NOTCH2NLC: variants seen among roughly 807,000 people sequenced by gnomAD.
NOTCH2NLC encodes notch homolog 2 N-terminal-like protein C.
Under a neutral mutation model 17.7 loss-of-function variants are expected in NOTCH2NLC, and 4 were observed. The ratio of observed to expected loss-of-function variants is 0.23; its 90% CI spans 0.11 to 0.52. The LOEUF is 0.52. Ranked by LOEUF, NOTCH2NLC falls within the 20% of genes least tolerant of loss-of-function variation. NOTCH2NLC has a pLI of 0.96. For missense variants in NOTCH2NLC, 57 were observed against 207.2 expected, an observed-to-expected ratio of 0.28 and a Z score of 4.45; for synonymous variants, 18 against 86.0, an observed-to-expected ratio of 0.21 and a Z score of 4.38.
At chr1:149,432,200 A>T (rs2084455290) in intron 2 of NOTCH2NLC, among the ~76,000 whole-genome samples, 1 of 144,732 alleles carries the variant, frequency 6.9e-6, no homozygotes, top group Non-Finnish European at 1.5e-5. Context: ...AGTTTATCCA[A>T]CACATTTTTA....
intron 3 of NOTCH2NLC, among the ~76,000 whole-genome samples, chr1:149,460,399 C>T (rs1364939173): frequency 2.2e-4 from 29 of 130,116 alleles, no homozygotes; most frequent in Non-Finnish European, 2.9e-4. Flanking sequence ...GAGTGCAGGG[C>T]GCAATCTCGG....
chr1:149,460,998 A>G (rs2101512427), intron 3 of NOTCH2NLC, among the ~76,000 whole-genome samples: 1 of 143,048 alleles, frequency 7.0e-6, no homozygotes, highest in African/African-American at 2.6e-5. Context: ...ACAGTGGCGC[A>G]GTCTCGGCTC....
chr1:149,429,625 A>G (rs2084432627), intron 1 of NOTCH2NLC, among the ~76,000 whole-genome samples: 1 of 151,348 alleles, frequency 6.6e-6, no homozygotes, highest in Admixed American at 6.6e-5. Flanking sequence ...CAAGGATGGG[A>G]TGCATTTTCT....
intron 3 of NOTCH2NLC, among the ~76,000 whole-genome samples, chr1:149,461,996 G>T (rs1453047714): frequency 7.6e-6 from 1 of 132,432 alleles, no homozygotes; most frequent in South Asian, 2.7e-4. Flanking sequence ...GTGGTGGGAC[G>T]GGGGAGGGAT....
At chr1:149,432,225 T>C (rs1166416967) in intron 2 of NOTCH2NLC, among the ~76,000 whole-genome samples, 1 of 147,720 alleles carries the variant, frequency 6.8e-6, no homozygotes, top group African/African-American at 2.5e-5. Context: ...TTACCAGGAA[T>C]GTAATTACAA....
chr1:149,446,393 G>A (rs2084553332), intron 2 of NOTCH2NLC, among the ~76,000 whole-genome samples: 1 of 118,714 alleles, frequency 8.4e-6, no homozygotes, highest in Non-Finnish European at 1.8e-5. Flanking sequence ...GGAATCCCTT[G>A]TTTTTCTCTG....
At chr1:149,417,281 T>G (rs1318501256) in intron 1 of NOTCH2NLC, among the ~76,000 whole-genome samples, 1 of 150,400 alleles carries the variant, frequency 6.6e-6, no homozygotes, top group Non-Finnish European at 1.5e-5. Context: ...GCTAATTTTT[T>G]GTATTTTCAG....
At chr1:149,460,463 T>G (rs2084636585) in intron 3 of NOTCH2NLC, among the ~76,000 whole-genome samples, 1 of 146,730 alleles carries the variant, frequency 6.8e-6, no homozygotes, top group East Asian at 2.1e-4. Flanking sequence ...CTCAGCCTCC[T>G]GAGTAGCTGG....
rs1311271432 is a variant in NOTCH2NLC, at chr1:149,464,863, A to G, written c.*710A>G. On this transcript the variant is annotated 3_prime_UTR_variant, in exon 5 of 5. Transcript: ENST00000650865. ...TACTCTTTCAGAGTGGGAATCTTAG[A>G]TTCTGGTATTGTGGATATGGTTCAC... 1 of 150,486 alleles carries G rather than the reference A, an allele frequency of 6.6e-6. No homozygotes were observed. Among genetic ancestry groups the G allele is most frequent in the African/African-American group, 2.4e-5 (1 of 40,982 alleles). The allele number at this position is 150,486 out of a possible 1,614,324, so 9.3% of individuals were successfully genotyped here. A position where few individuals can be genotyped will look rare whatever the true frequency, so the allele number is the denominator to read the frequency against.
intron 1 of NOTCH2NLC, among the ~76,000 whole-genome samples, chr1:149,400,139 A>ATATATATATATTTT (rs1570899101): frequency 1.5e-5 from 2 of 131,978 alleles, no homozygotes; most frequent in African/African-American, 5.7e-5. Context: ...TATAATATAT[A>ATATATATATATTTT]TTTTTTTTTT....
chr1:149,460,810 G>A (rs1243593668), intron 3 of NOTCH2NLC, among the ~76,000 whole-genome samples: 4,420 of 137,018 alleles, frequency 0.032, 149 homozygotes, highest in Middle Eastern at 0.042. Flanking sequence ...TATACATAAT[G>A]TATATGGAAA....
At chr1:149,419,855 A>ATTTTTTTT (rs1166865199) in intron 1 of NOTCH2NLC, among the ~76,000 whole-genome samples, 4 of 78,204 alleles carry the variant, frequency 5.1e-5, no homozygotes, top group Non-Finnish European at 6.9e-5. Flanking sequence ...ATATATATAT[A>ATTTTTTTT]TTTTTTTTTT....
chr1:149,398,122 G>T (rs1315171815), intron 1 of NOTCH2NLC, among the ~76,000 whole-genome samples: 1 of 151,090 alleles, frequency 6.6e-6, no homozygotes, highest in Non-Finnish European at 1.5e-5. Context: ...GTAAACTTCA[G>T]GTCTTAATAC....
chr1:149,471,568 C>G lies in NOTCH2NLC; in HGVS notation c.*7415C>G, dbSNP rs2084719775. Among the ~76,000 whole-genome samples the G allele has an allele frequency of 6.7e-6, 1 of 150,114 alleles. No individual in the cohort carries two copies. The highest frequency in any genetic ancestry group is 2.4e-5 in the African/African-American group (1 of 40,854). ...CATTTGTTGAATTAAGTGCCCAGAA[C>G]AAGTACATCTATATATAGAGAAAGT... is the stretch of plus-strand genomic sequence containing the variant. On this transcript the variant is annotated 3_prime_UTR_variant, in exon 5 of 5. Coordinates refer to ENST00000650865, the MANE Select transcript of NOTCH2NLC (RefSeq NM_001364013.2).
chr1:149,460,895 CTTTCTTTCTTTCTTTCTT>C (rs1570922227), intron 3 of NOTCH2NLC, among the ~76,000 whole-genome samples: 1 of 115,560 alleles, frequency 8.7e-6, no homozygotes, highest in Non-Finnish European at 1.9e-5. Context: ...TTCTTTCTTT[CTTTCTTTCTTTCTTTCTT>C]TCTCTCTCTT....
At chr1:149,398,665 C>T (rs1326008392) in intron 1 of NOTCH2NLC, among the ~76,000 whole-genome samples, 17 of 151,314 alleles carry the variant, frequency 1.1e-4, no homozygotes, top group Non-Finnish European at 2.2e-4. Context: ...TTGCCCCTCT[C>T]GCATTTCCAG....
intron 1 of NOTCH2NLC, among the ~76,000 whole-genome samples, chr1:149,393,131 C>T (rs1443390492): frequency 4.8e-5 from 7 of 145,006 alleles, no homozygotes; most frequent in Non-Finnish European, 7.6e-5. Context: ...ATTACTCTGA[C>T]ACATAGGGCT....
chr1:149,438,973 C>T (rs2084499556), intron 2 of NOTCH2NLC, among the ~76,000 whole-genome samples: 1 of 148,148 alleles, frequency 6.8e-6, no homozygotes, highest in South Asian at 2.2e-4. Context: ...ACTTCTGCCT[C>T]CCAAAGGGCT....
chr1:149,426,540 G>A (rs1433827268), intron 1 of NOTCH2NLC, among the ~76,000 whole-genome samples: 1 of 136,910 alleles, frequency 7.3e-6, no homozygotes, highest in Non-Finnish European at 1.6e-5. Flanking sequence ...GCCAAATGAT[G>A]GAGTGATGAG....
Sources: gnomAD v4.1 joint callset for allele counts (sites outside exome capture counted in the v4.1 genomes callset) on GRCh38, gnomAD v4.1.1 for gene constraint, MANE v1.5 for transcripts, NCBI Gene and HGNC (gene_info 2026-07-23, HGNC 2026-07-21) for gene names.